The following DUSP18 variants were observed in gnomAD, a reference collection of about 807,000 sequenced individuals.
The protein encoded by DUSP18 is dual specificity protein phosphatase 18.
DUSP18 carries 4 observed loss-of-function variants against 6.3 expected under a neutral mutation model. The ratio of observed to expected loss-of-function variants is 0.63; its 90% CI spans 0.31 to 1.45. The LOEUF (loss-of-function observed/expected upper bound fraction) is 1.45, where lower values mean the gene tolerates loss of function less well. Ranked by LOEUF, DUSP18 falls within the 40% of genes most tolerant of loss-of-function variation. The pLI is 0.07. For missense variants in DUSP18, 235 were observed against 247.7 expected (o/e 0.95, Z 0.34); for synonymous variants, 96 against 95.1 (o/e 1.01, Z -0.05).
In DUSP18 at chr22:30,667,508, T is replaced by C. The variant is rs866121956; in HGVS notation, c.-124A>G. The C allele has an allele frequency of 2.6e-5, 4 of 152,354 alleles. No homozygotes were observed. The South Asian group carries it at 6.2e-4, about 24-fold the overall frequency. The allele number at this position is 152,354 out of a possible 1,614,324, so 9.4% of individuals were successfully genotyped here. ...GCGGGTTCGCTCAGGAAGTAGCCGC[T>C]TGGGGAAGCCTTAGGCAAGGTTCTT... On this transcript the variant is annotated 5_prime_UTR_variant, in exon 1 of 2. Transcript: ENST00000334679.
downstream of DUSP18, among the ~76,000 whole-genome samples, chr22:30,657,895 C>T (rs897847937): frequency 2.8e-5 from 4 of 142,674 alleles, no homozygotes; most frequent in African/African-American, 5.2e-5. Context: ...CAGTGCAAGA[C>T]TCTGTCTCAA....
intron 1 of DUSP18, among the ~76,000 whole-genome samples, chr22:30,666,284 G>A (rs2088657932): frequency 6.6e-6 from 1 of 152,198 alleles, no homozygotes; most frequent in Admixed American, 6.5e-5. Context: ...GCTCTTGCAG[G>A]TGAGGGTAGT....
downstream of DUSP18, among the ~76,000 whole-genome samples, chr22:30,657,911 AT>A (rs1273314412): frequency 3.4e-5 from 3 of 87,116 alleles, no homozygotes; most frequent in East Asian, 1.6e-3. Context: ...CTCAAAAATA[AT>A]AATAATAATA....
downstream of DUSP18, among the ~76,000 whole-genome samples, chr22:30,658,803 G>C (rs1238758982): frequency 6.6e-6 from 1 of 152,118 alleles, no homozygotes. Flanking sequence ...TGCTCACTGG[G>C]GGGCATAAGC....
chr22:30,658,496 T>C (rs1017314670), downstream of DUSP18, among the ~76,000 whole-genome samples: 7 of 151,908 alleles, frequency 4.6e-5, 1 homozygote, highest in Non-Finnish European at 1.0e-4. Flanking sequence ...ATCTGAAAAG[T>C]AGAAGAGGGG....
rs1314508449 is a variant in DUSP18 at position 30,663,502 on chromosome 22, T to C, written c.502A>G (p.Ser168Gly). 1 of 1,614,086 alleles carries C rather than the reference T, an allele frequency of 6.2e-7. No homozygotes were observed. Among genetic ancestry groups the C allele is most frequent in the African/African-American group, 1.3e-5 (1 of 74,930 alleles). ...LFGKNTVHMVSSPVGMIPDIY... is the reference protein window; with the variant it reads ...LFGKNTVHMVGSPVGMIPDIY... The stretch of plus-strand genomic sequence containing the variant: ...TCAGGGATCATTCCCACTGGGGAAC[T>C]GACCATGTGCACAGTGTTCTTGCCA... Residue 168 changes from serine to glycine, a missense_variant, in exon 2 of 2, where the codon AGT (serine) becomes GGT (glycine). By Grantham distance (56) the Ser-to-Gly change is moderately conservative. Transcript: ENST00000334679.
At chr22:30,656,866 G>A (rs1292499592), downstream of DUSP18, among the ~76,000 whole-genome samples, 2 of 152,206 alleles carry the variant, frequency 1.3e-5, no homozygotes, top group Non-Finnish European at 2.9e-5. Flanking sequence ...TGTAATCACA[G>A]CACTTTCGGA....
intron 2 of DUSP18, among the ~76,000 whole-genome samples, chr22:30,656,021 G>T (rs1314840863): frequency 6.6e-6 from 1 of 151,814 alleles, no homozygotes; most frequent in African/African-American, 2.4e-5. Flanking sequence ...TGCTGAGGAC[G>T]CAGTGCAGTG....
At chr22:30,655,974 A>G (rs1426377855) in intron 2 of DUSP18, among the ~76,000 whole-genome samples, 1 of 151,594 alleles carries the variant, frequency 6.6e-6, no homozygotes, top group Admixed American at 6.6e-5. Context: ...TTGAGGCACC[A>G]CTGCACTGCA....
chr22:30,666,905 C>A (rs952470503), intron 1 of DUSP18: 1 of 152,176 alleles, frequency 6.6e-6, no homozygotes, highest in African/African-American at 2.4e-5. Flanking sequence ...AACTATTTTT[C>A]TCGCTTCTGA....
chr22:30,657,600 A>T (rs539675053), downstream of DUSP18, among the ~76,000 whole-genome samples: 18 of 151,992 alleles, frequency 1.2e-4, no homozygotes, highest in East Asian at 1.9e-4. Flanking sequence ...CTCTAAAAAA[A>T]TTTTTTAAAG....
At chr22:30,655,295 A>G (rs1049995188) in intron 2 of DUSP18, among the ~76,000 whole-genome samples, 154 of 108,878 alleles carry the variant, frequency 1.4e-3, no homozygotes, top group African/African-American at 4.7e-3. Flanking sequence ...GTCTCTACGG[A>G]AAAAAAAAAA....
intron 1 of DUSP18, among the ~76,000 whole-genome samples, chr22:30,664,387 G>A: frequency 6.6e-6 from 1 of 152,172 alleles, no homozygotes; most frequent in East Asian, 1.9e-4. Flanking sequence ...TCCCTTGAGG[G>A]GTCCCACAGC....
At chr22:30,657,932 A>G (rs963241964), downstream of DUSP18, among the ~76,000 whole-genome samples, 15 of 146,660 alleles carry the variant, frequency 1.0e-4, no homozygotes, top group African/African-American at 3.7e-4. Context: ...AATAATAATA[A>G]TAATAATAAT....
At chr22:30,666,688 A>C (rs1170943077) in intron 1 of DUSP18, 1 of 151,552 alleles carries the variant, frequency 6.6e-6, no homozygotes, top group Non-Finnish European at 1.5e-5. Context: ...GGAGATACTG[A>C]AATGTACAAG....
intron 2 of DUSP18, chr22:30,654,545 G>A: frequency 2.3e-6 from 1 of 441,120 alleles, no homozygotes; most frequent in Non-Finnish European, 4.5e-6. Context: ...GTCTCGCGGG[G>A]CAGCATGCCT....
rs1489986972 is a variant in DUSP18, at chr22:30,662,182, T to A, written c.*1255A>T. The stretch of plus-strand genomic sequence containing the variant: ...GGGTGAAAGAGTCTATCATTCATGA[T>A]GAGAGCTGCCATTTGCGCTAAGCAC... On this transcript the variant is annotated 3_prime_UTR_variant, in exon 2 of 2. Coordinates refer to ENST00000334679, the MANE Select transcript of DUSP18 (RefSeq NM_152511.5). 1.3e-5 allele frequency: 2 copies of A among 152,206 alleles called. No individual in the cohort carries two copies. Among genetic ancestry groups the A allele is most frequent in the African/African-American group, 4.8e-5 (2 of 41,450 alleles). The allele number at this position is 152,206 out of a possible 1,614,324, so 9.4% of individuals were successfully genotyped here. A position where few individuals can be genotyped will look rare whatever the true frequency, so the allele number is the denominator to read the frequency against.
At chr22:30,653,263 C>T (rs2088259844) in intron 2 of DUSP18, among the ~76,000 whole-genome samples, 1 of 152,058 alleles carries the variant, frequency 6.6e-6, no homozygotes, top group Admixed American at 6.5e-5. Context: ...CTGAACCCTT[C>T]GGCTATTGGG....
Position 30,663,926 on chromosome 22 carries a change from G to A in DUSP18, c.78C>T (p.Ser26=). 1 of 1,614,212 alleles carries A rather than the reference G, an allele frequency of 6.2e-7. No homozygotes were observed. Among genetic ancestry groups the A allele is most frequent in the Non-Finnish European group, 8.5e-7 (1 of 1,180,032 alleles). Residue 26 remains serine (S), a synonymous_variant, in exon 2 of 2, where the codon AGC becomes AGT. Transcript: ENST00000334679. ...CGGCCACACCATTGCTGATATACAG[G>A]CTTTTGGTTATCTGCGAGAGGCCGC... is the stretch of plus-strand genomic sequence containing the variant. The part of the protein sequence containing the change: ...SVSGLSQITK[S]LYISNGVAAN...
Sources: gnomAD v4.1 joint callset for allele counts (sites outside exome capture counted in the v4.1 genomes callset) on GRCh38, gnomAD v4.1.1 for gene constraint, MANE v1.5 for transcripts, NCBI Gene and HGNC (gene_info 2026-07-23, HGNC 2026-07-21) for gene names.